Variants in TMEM135 observed in about 807,000 individuals in gnomAD.
TMEM135 encodes the protein transmembrane protein 135.
TMEM135 carries 30 observed loss-of-function variants against 60.3 expected under a neutral mutation model. That is an observed-to-expected ratio of 0.50 (90% CI 0.37 to 0.68). TMEM135 has a LOEUF of 0.68. Among genes scored for constraint, TMEM135 ranks in the 30% least tolerant of loss-of-function variants. TMEM135 has a pLI of 0.00. For missense variants in TMEM135, 468 were observed against 548.8 expected, an observed-to-expected ratio of 0.85 and a Z score of 1.47; for synonymous variants, 190 against 186.7, an observed-to-expected ratio of 1.02 and a Z score of -0.14.
At chr11:87,304,543 A>G (rs1942507995) in intron 8 of TMEM135, among the ~76,000 whole-genome samples, 1 of 152,138 alleles carries the variant, frequency 6.6e-6, no homozygotes, top group Admixed American at 6.5e-5. Flanking sequence ...TAATCACTCA[A>G]CAGCTTCACA....
chr11:87,192,064 C>T (rs1230327960), intron 5 of TMEM135, among the ~76,000 whole-genome samples: 2 of 141,840 alleles, frequency 1.4e-5, no homozygotes, highest in Admixed American at 7.5e-5. Context: ...TTACTGCAAC[C>T]TCCACCTCCT....
intron 5 of TMEM135, among the ~76,000 whole-genome samples, chr11:87,191,607 G>A (rs1939800451): frequency 6.6e-6 from 1 of 152,088 alleles, no homozygotes. Flanking sequence ...TACTACCTTT[G>A]GAAGGAAGAA....
At chr11:87,120,394 C>T (rs1165155046) in intron 4 of TMEM135, among the ~76,000 whole-genome samples, 1 of 151,178 alleles carries the variant, frequency 6.6e-6, no homozygotes, top group Non-Finnish European at 1.5e-5. Flanking sequence ...AGTCATGAAC[C>T]ACTGTTCTGG....
chr11:87,111,214 A>G (rs189142949), intron 4 of TMEM135, among the ~76,000 whole-genome samples: 2 of 151,980 alleles, frequency 1.3e-5, no homozygotes, highest in African/African-American at 4.8e-5. Flanking sequence ...TTGATGGCCT[A>G]TTTTTTTGGT....
At chr11:87,173,107 A>G (rs1181786381) in intron 5 of TMEM135, among the ~76,000 whole-genome samples, 1 of 152,064 alleles carries the variant, frequency 6.6e-6, no homozygotes, top group Non-Finnish European at 1.5e-5. Flanking sequence ...TTTTTCTTAT[A>G]TATTTTTGTT....
In TMEM135 at chr11:87,127,887, T is replaced by C. The variant is rs549397047; in HGVS notation, c.397-29454T>C. On this transcript the variant is annotated intron_variant, in intron 4 of 14. Coordinates refer to ENST00000305494, the MANE Select transcript of TMEM135 (RefSeq NM_022918.4). ...ATATTTGTTATTGAATGAAAAAAAA[T>C]GCTGAATGTCCAGCAGAATACAATA... Among the ~76,000 whole-genome samples, 16 of 151,718 alleles carry C rather than the reference T, an allele frequency of 1.1e-4. 1 individual carries two copies. Among genetic ancestry groups the C allele is most frequent in the African/African-American group, 2.2e-4 (9 of 41,384 alleles).
Position 87,315,456 on chromosome 11 carries a change from C to T in TMEM135, c.1077+909C>T, listed in dbSNP as rs145838833. On this transcript the variant is annotated intron_variant, in intron 12 of 14. Coordinates refer to ENST00000305494, the MANE Select transcript of TMEM135 (RefSeq NM_022918.4). ...ACGAGGCACAAAAATGTCTGGTTCT[C>T]TCTCTTTTTGTGATGCTAAGATTGA... 3.3e-5 allele frequency among the ~76,000 whole-genome samples: 5 copies of T among 152,008 alleles called. No homozygotes were observed. The East Asian group carries it at 5.8e-4, about 18-fold the overall frequency.
chr11:87,167,941 G>C (rs1343302589), intron 5 of TMEM135, among the ~76,000 whole-genome samples: 1 of 152,090 alleles, frequency 6.6e-6, no homozygotes, highest in Non-Finnish European at 1.5e-5. Context: ...TCAGGTCCTG[G>C]GCTTTTTTTG....
intron 9 of TMEM135, among the ~76,000 whole-genome samples, chr11:87,308,603 G>A (rs7117070): frequency 0.22 from 33,876 of 151,818 alleles, 3,891 homozygotes; most frequent in South Asian, 0.25. Flanking sequence ...TCCAGTCAGA[G>A]TTAGAGAGGA....
At chr11:87,183,146 T>C (rs2135305636) in intron 5 of TMEM135, among the ~76,000 whole-genome samples, 1 of 142,180 alleles carries the variant, frequency 7.0e-6, no homozygotes, top group African/African-American at 2.6e-5. Flanking sequence ...TTTTTTTTTT[T>C]TTTTTTTTTT....
At position 87,321,303 on chromosome 11, in the gene TMEM135, A is replaced by G. The variant is rs906147917; in HGVS notation, c.1347A>G (p.Val449=). ...IPRLDPRYTT[V]TPELPTEFS is the part of the protein sequence containing the mutation. ...GGTTGGATCCAAGATACACAACTGT[A>G]ACACCAGAGTTGCCCACAGAGTTTT... Residue 449 remains valine (V), a synonymous_variant, in exon 15 of 15, where the codon GTA becomes GTG. Transcript: ENST00000305494. 6 of 1,613,638 alleles carry G rather than the reference A, an allele frequency of 3.7e-6. No individual in the cohort carries two copies. The African/African-American group carries it at 8.0e-5, about 22-fold the overall frequency.
intron 4 of TMEM135, among the ~76,000 whole-genome samples, chr11:87,104,269 A>G (rs1857537916): frequency 6.6e-6 from 1 of 151,992 alleles, no homozygotes; most frequent in African/African-American, 2.4e-5. Context: ...TTTCTGGGTT[A>G]TTTATTCTGT....
chr11:87,141,704 A>G (rs975436513), intron 4 of TMEM135, among the ~76,000 whole-genome samples: 1 of 152,176 alleles, frequency 6.6e-6, no homozygotes, highest in African/African-American at 2.4e-5. Flanking sequence ...GATAGTTGTC[A>G]CTTGTCAAAT....
intron 6 of TMEM135, among the ~76,000 whole-genome samples, chr11:87,280,624 C>T (rs998178243): frequency 1.3e-5 from 2 of 152,122 alleles, no homozygotes; most frequent in Non-Finnish European, 2.9e-5. Context: ...TTGCTTTGTG[C>T]TCCTAAAGCA....
At chr11:87,147,814 G>A (rs1938455643) in intron 4 of TMEM135, among the ~76,000 whole-genome samples, 1 of 152,090 alleles carries the variant, frequency 6.6e-6, no homozygotes, top group African/African-American at 2.4e-5. Flanking sequence ...CTGGAGTGCA[G>A]TGGCACAATC....
At chr11:87,274,416 T>C (rs944726825) in intron 6 of TMEM135, among the ~76,000 whole-genome samples, 1 of 152,188 alleles carries the variant, frequency 6.6e-6, no homozygotes, top group Non-Finnish European at 1.5e-5. Flanking sequence ...ACTTTTCTGC[T>C]TATAAGCTCC....
chr11:87,283,968 ATTTG>A (rs756118385), intron 6 of TMEM135, among the ~76,000 whole-genome samples: 4 of 73,090 alleles, frequency 5.5e-5, no homozygotes, highest in Non-Finnish European at 1.4e-4. Flanking sequence ...AACTGAAAGT[ATTTG>A]TTTGTCTTGA....
chr11:87,071,253 G>A (rs1245900612), intron 2 of TMEM135, among the ~76,000 whole-genome samples: 1 of 152,190 alleles, frequency 6.6e-6, no homozygotes, highest in Non-Finnish European at 1.5e-5. Context: ...AATTTAATAT[G>A]TGGGGTAAGG....
At chr11:87,305,894 C>G (rs1942534133) in intron 8 of TMEM135, 42 bp from the exon 9 acceptor site, 2 of 1,508,262 alleles carry the variant, frequency 1.3e-6, no homozygotes, top group African/African-American at 1.4e-5. Flanking sequence ...GATATACACA[C>G]TTTAATTATA....
Sources: gnomAD v4.1 joint callset for allele counts (sites outside exome capture counted in the v4.1 genomes callset) on GRCh38, gnomAD v4.1.1 for gene constraint, MANE v1.5 for transcripts, NCBI Gene and HGNC (gene_info 2026-07-23, HGNC 2026-07-21) for gene names.